Variants in AADACL4 observed in about 807,000 individuals in gnomAD.
The protein encoded by AADACL4 is arylacetamide deacetylase like 4, also known as arylacetamide deacetylase-like 4.
In AADACL4, 9 loss-of-function variants were observed where a neutral mutation model predicts 14.1. The ratio of observed to expected loss-of-function variants is 0.64; its 90% CI spans 0.39 to 1.12. AADACL4 has a LOEUF of 1.12. Among genes scored for constraint, AADACL4 ranks in the 50% most tolerant of loss-of-function variants. The pLI is 0.01. For missense variants in AADACL4, 531 were observed against 516.1 expected (o/e 1.03, Z -0.28); for synonymous variants, 188 against 201.6 (o/e 0.93, Z 0.57).
In AADACL4 at chr1:12,666,069, G is replaced by A. The variant is rs1240266989; in HGVS notation, c.558G>A (p.Arg186=). Residue 186 remains arginine, a synonymous_variant, in exon 4 of 4, where the codon AGG becomes AGA. Transcript: ENST00000376221. ...ALETYGVDPS[R]VVVCGESVGG... ...AAACCTATGGGGTGGACCCCTCCAG[G>A]GTTGTGGTCTGTGGAGAAAGCGTCG... 1.9e-6 allele frequency: 3 copies of A among 1,614,242 alleles called. No individual in the cohort carries two copies. Among genetic ancestry groups the A allele is most frequent in the East Asian group, 2.2e-5 (1 of 44,886 alleles).
chr1:12,661,156 A>G (rs1473872486), intron 2 of AADACL4, among the ~76,000 whole-genome samples: 1 of 152,144 alleles, frequency 6.6e-6, no homozygotes, highest in Non-Finnish European at 1.5e-5. Context: ...ACCTGGTGTG[A>G]TTTAGAAAAT....
intron 3 of AADACL4, among the ~76,000 whole-genome samples, chr1:12,662,450 C>T (rs1647244310): frequency 6.6e-6 from 1 of 152,092 alleles, no homozygotes; most frequent in African/African-American, 2.4e-5. Flanking sequence ...GTGCTTATTG[C>T]ATTGTTAAAA....
intron 2 of AADACL4, among the ~76,000 whole-genome samples, chr1:12,652,994 A>C (rs1332501057): frequency 2.6e-5 from 4 of 152,138 alleles, no homozygotes; most frequent in Non-Finnish European, 4.4e-5. Context: ...ACCCTGTGTA[A>C]TTCCTATCTC....
intron 2 of AADACL4, among the ~76,000 whole-genome samples, chr1:12,656,260 C>T (rs1004631590): frequency 5.3e-5 from 8 of 152,140 alleles, no homozygotes. Flanking sequence ...ATGTCCACAC[C>T]AGGGAGACAG....
intron 2 of AADACL4, among the ~76,000 whole-genome samples, chr1:12,653,923 G>A (rs1034115547): frequency 6.6e-6 from 1 of 152,098 alleles, no homozygotes; most frequent in Non-Finnish European, 1.5e-5. Context: ...TAATATCCAC[G>A]TATTAGAGTA....
chr1:12,646,560 C>G (rs1319357096), intron 1 of AADACL4, among the ~76,000 whole-genome samples: 1 of 152,234 alleles, frequency 6.6e-6, no homozygotes, highest in Non-Finnish European at 1.5e-5. Flanking sequence ...TAGGCAGTCT[C>G]AAGCCAGTGG....
In AADACL4 at chr1:12,666,472, G is replaced by A. The variant is rs976023900; in HGVS notation, c.961G>A (p.Val321Ile). ...AYLEAKHMLD[V>I]ENSPLIADDE... ...TCTAGAAGCCAAACATATGCTGGAT[G>A]TAGAAAATTCACCCCTGATAGCAGA... The change falls in exon 4 of 4, where the codon GTA (valine) becomes ATA (isoleucine). Residue 321 changes from valine to isoleucine, a missense_variant. By Grantham distance (29) the Val-to-Ile change is conservative (BLOSUM62 3). Transcript: ENST00000376221. The A allele has an allele frequency of 1.2e-5, 20 of 1,614,196 alleles. No individual in the cohort carries two copies. The highest frequency in any genetic ancestry group is 1.7e-5 in the Non-Finnish European group (20 of 1,180,044).
rs1178645937 is a variant in AADACL4, at chr1:12,666,675, C to T, written c.1164C>T (p.Leu388=). The change falls in exon 4 of 4, where the codon CTC becomes CTT. Residue 388 remains leucine, a synonymous_variant. Transcript: ENST00000376221. ...TTATCTTTTTTGATAAGAAGGCTCT[C>T]TCTTTCCCATGTTCCCTGAAGATTG... ...GSIIFFDKKA[L]SFPCSLKIVN... 7 of 1,613,858 alleles carry T rather than the reference C, an allele frequency of 4.3e-6. No homozygotes were observed. Among genetic ancestry groups the T allele is most frequent in the Non-Finnish European group, 5.9e-6 (7 of 1,180,030 alleles).
At chr1:12,661,683 G>T (rs973040483) in intron 2 of AADACL4, 108 bp from the exon 3 acceptor site, 2 of 1,136,282 alleles carry the variant, frequency 1.8e-6, no homozygotes, top group African/African-American at 3.1e-5. Context: ...AAACAGAGAG[G>T]ATGCCACACC....
At position 12,666,689 on chromosome 1, in the gene AADACL4, C is replaced by T. The variant is rs1169211029; in HGVS notation, c.1178C>T (p.Ser393Phe). 3 of 1,613,470 alleles carry T rather than the reference C, an allele frequency of 1.9e-6. No homozygotes were observed. The highest frequency in any genetic ancestry group is 2.5e-6 in the Non-Finnish European group (3 of 1,179,972). The part of the protein sequence containing the change: ...FDKKALSFPC[S>F]LKIVNAVVSY... ...AAGAAGGCTCTCTCTTTCCCATGTTCCCTGAAGATTGTGAATGCTGTAGTC... is the reference window on the plus strand; with the variant it reads ...AAGAAGGCTCTCTCTTTCCCATGTTTCCTGAAGATTGTGAATGCTGTAGTC... The change falls in exon 4 of 4, where the codon TCC becomes TTC. Residue 393 changes from serine to phenylalanine, a missense_variant. By Grantham distance (155) the Ser-to-Phe change is radical. Transcript: ENST00000376221.
chr1:12,651,819 G>T (rs1458568386), intron 2 of AADACL4, among the ~76,000 whole-genome samples: 2 of 149,760 alleles, frequency 1.3e-5, no homozygotes, highest in Non-Finnish European at 3.0e-5. Context: ...CCATCCAGCA[G>T]CTAGGAGGAT....
At position 12,644,537 on chromosome 1, in the gene AADACL4, C is replaced by A; in HGVS notation, c.-10C>A. 2 of 1,613,130 alleles carry A rather than the reference C, an allele frequency of 1.2e-6. No homozygotes were observed. The highest frequency in any genetic ancestry group is 1.7e-4 in the Middle Eastern group (1 of 5,868). ...TCCTCAGGGCAGCAGCTCCTCAAGG[C>A]CCCAGGAACATGGCTGTCCCCTGGC... is the stretch of plus-strand genomic sequence containing the variant. On this transcript the variant is annotated 5_prime_UTR_variant, in exon 1 of 4. Transcript: ENST00000376221.
At chr1:12,654,450 C>T (rs1177892294) in intron 2 of AADACL4, among the ~76,000 whole-genome samples, 2 of 152,174 alleles carry the variant, frequency 1.3e-5, no homozygotes, top group Non-Finnish European at 2.9e-5. Flanking sequence ...TTCTTGGTTC[C>T]ATACTTGTGG....
chr1:12,650,980 A>G (rs1647141693), intron 1 of AADACL4, 143 bp from the exon 2 acceptor site: 1 of 760,474 alleles, frequency 1.3e-6, no homozygotes, highest in Admixed American at 2.6e-5. Flanking sequence ...TCCAGAGCCT[A>G]TGGATTCCTG....
intron 2 of AADACL4, among the ~76,000 whole-genome samples, chr1:12,661,354 T>A (rs1012768915): frequency 6.6e-6 from 1 of 152,206 alleles, no homozygotes; most frequent in African/African-American, 2.4e-5. Flanking sequence ...CGTACTCATA[T>A]TGACGGACCT....
intron 3 of AADACL4, among the ~76,000 whole-genome samples, chr1:12,663,981 C>T (rs1301143655): frequency 6.6e-6 from 1 of 152,148 alleles, no homozygotes; most frequent in East Asian, 1.9e-4. Flanking sequence ...ATCAATCAAA[C>T]TCTATTTTGA....
In AADACL4 at chr1:12,666,291, C is replaced by T. The variant is rs752979913; in HGVS notation, c.780C>T (p.Asp260=). 1 of 1,614,222 alleles carries T rather than the reference C, an allele frequency of 6.2e-7. No homozygotes were observed. Reference sequence around the variant, plus strand: ...CTCTGTGTAACTATCTGGCCATTGACCTCTCCTGGCGTGACGCCATCTTGA... The same window carrying T: ...CTCTGTGTAACTATCTGGCCATTGATCTCTCCTGGCGTGACGCCATCTTGA... ...VTSLCNYLAI[D]LSWRDAILNG... Residue 260 remains aspartate, a synonymous_variant, in exon 4 of 4, where the codon GAC becomes GAT. Coordinates refer to ENST00000376221, the MANE Select transcript of AADACL4 (RefSeq NM_001013630.2).
intron 1 of AADACL4, among the ~76,000 whole-genome samples, chr1:12,645,245 TCCTC>T (rs375922335): frequency 0.033 from 2,477 of 75,896 alleles, 75 homozygotes; most frequent in African/African-American, 0.073. Flanking sequence ...CTTCCTTCCC[TCCTC>T]CCTCCCTCCC....
chr1:12,658,299 C>A (rs1355273336), intron 2 of AADACL4, among the ~76,000 whole-genome samples: 1 of 151,434 alleles, frequency 6.6e-6, no homozygotes, highest in Non-Finnish European at 1.5e-5. Flanking sequence ...TACTCTGTCA[C>A]CCAGGCTGGA....
Sources: gnomAD v4.1 joint callset for allele counts (sites outside exome capture counted in the v4.1 genomes callset) on GRCh38, gnomAD v4.1.1 for gene constraint, MANE v1.5 for transcripts, NCBI Gene and HGNC (gene_info 2026-07-23, HGNC 2026-07-21) for gene names.